FMNL2: variants seen among roughly 807,000 people sequenced by gnomAD.
The protein encoded by FMNL2 is formin like 2.
FMNL2 carries 51 observed loss-of-function variants against 130.2 expected under a neutral mutation model. The ratio of observed to expected loss-of-function variants is 0.39; its 90% CI spans 0.31 to 0.49. The LOEUF (loss-of-function observed/expected upper bound fraction) is 0.49. Ranked by LOEUF, FMNL2 falls within the 20% of genes least tolerant of loss-of-function variation. The pLI, the probability that FMNL2 is intolerant of heterozygous loss-of-function variation, is 0.85. For synonymous variants in FMNL2, 465 were observed against 467.1 expected, an observed-to-expected ratio of 1.00 and a Z score of 0.06; for missense variants, 977 against 1,316.2, an observed-to-expected ratio of 0.74 and a Z score of 3.99.
At chr2:152,617,973 G>A (rs1457502254) in intron 13 of FMNL2, among the ~76,000 whole-genome samples, 1 of 152,190 alleles carries the variant, frequency 6.6e-6, no homozygotes, top group Non-Finnish European at 1.5e-5. Context: ...AGACAGAGTT[G>A]TAGCATATGG....
At chr2:152,484,359 G>C (rs1010301719) in intron 1 of FMNL2, among the ~76,000 whole-genome samples, 1 of 152,204 alleles carries the variant, frequency 6.6e-6, no homozygotes, top group Non-Finnish European at 1.5e-5. Context: ...AGAGATATTG[G>C]GCCAAGTGCA....
intron 1 of FMNL2, among the ~76,000 whole-genome samples, chr2:152,493,790 T>G (rs1051161204): frequency 1.1e-4 from 16 of 152,188 alleles, no homozygotes; most frequent in African/African-American, 3.9e-4. Flanking sequence ...CAGAGAACCA[T>G]GAGCCAAATA....
At position 152,619,552 on chromosome 2, in the gene FMNL2, G is replaced by GCCCACC; in HGVS notation, c.1674_1675insACCCCC (p.Pro558_Pro559insThrPro). The GCCCACC allele has an allele frequency of 7.1e-7, 1 of 1,417,708 alleles. No individual in the cohort carries two copies. The highest frequency in any genetic ancestry group is 1.3e-5 in the South Asian group (1 of 79,026). The allele number at this position is 1,417,708 out of a possible 1,614,324, so 87.8% of individuals were successfully genotyped here. ...CACCACCTATGCCACCGCCGCCGCCGCCCCCTCCTCCACCTCCTCCTCCCC... is the reference window on the plus strand; with the variant it reads ...CACCACCTATGCCACCGCCGCCGCCGCCCACCCCCCCTCCTCCACCTCCTCCTCCCC... On this transcript the variant is annotated inframe_insertion, in exon 15 of 26. Transcript: ENST00000288670.
At chr2:152,426,983 C>A (rs894649877) in intron 1 of FMNL2, among the ~76,000 whole-genome samples, 1 of 152,206 alleles carries the variant, frequency 6.6e-6, no homozygotes, top group East Asian at 1.9e-4. Context: ...TTGGTCTCTA[C>A]CTCATGGCTC....
intron 6 of FMNL2, 141 bp downstream of exon 6, chr2:152,561,176 CT>C: frequency 1.1e-6 from 1 of 874,000 alleles, no homozygotes; most frequent in Non-Finnish European, 1.7e-6. Context: ...ATGAATGTTT[CT>C]TTAGGAGTTC....
intron 1 of FMNL2, among the ~76,000 whole-genome samples, chr2:152,343,326 C>G (rs1681918475): frequency 6.6e-6 from 1 of 152,166 alleles, no homozygotes; most frequent in African/African-American, 2.4e-5. Context: ...GATGGATTCT[C>G]CTTCTGTCAT....
chr2:152,594,422 C>T (rs11682487), intron 9 of FMNL2, among the ~76,000 whole-genome samples: 84,087 of 152,104 alleles, frequency 0.55, 24,608 homozygotes, highest in East Asian at 0.77. Flanking sequence ...AAAGAGATCA[C>T]TATGACTGCA....
chr2:152,519,784 A>G (rs75716586), intron 1 of FMNL2, among the ~76,000 whole-genome samples: 9,518 of 152,310 alleles, frequency 0.062, 455 homozygotes, highest in East Asian at 0.21. Context: ...AAAGTGTTGA[A>G]TGGAGTACTT....
At chr2:152,369,600 G>A (rs1009376407) in intron 1 of FMNL2, among the ~76,000 whole-genome samples, 1 of 152,194 alleles carries the variant, frequency 6.6e-6, no homozygotes, top group Admixed American at 6.5e-5. Flanking sequence ...CACTTACTGC[G>A]TGCCGATTGT....
At chr2:152,575,036 C>T in intron 6 of FMNL2, 100 bp from the exon 7 acceptor site, 1 of 630,598 alleles carries the variant, frequency 1.6e-6, no homozygotes, top group Non-Finnish European at 2.7e-6. Flanking sequence ...ACCTACAATC[C>T]TTGTTTTGGT....
At chr2:152,369,625 C>A (rs1683760151) in intron 1 of FMNL2, among the ~76,000 whole-genome samples, 1 of 152,232 alleles carries the variant, frequency 6.6e-6, no homozygotes, top group South Asian at 2.1e-4. Context: ...GCCACTGACA[C>A]ATGCAACTTA....
intron 1 of FMNL2, among the ~76,000 whole-genome samples, chr2:152,360,427 C>T (rs991346812): frequency 1.3e-4 from 20 of 151,992 alleles, no homozygotes; most frequent in Non-Finnish European, 2.2e-4. Context: ...TACCTCCTGG[C>T]TTATGTGGTC....
In FMNL2 at chr2:152,503,380, GCCAGGGTGATCAGATA is replaced by G. The variant is rs1240136215; in HGVS notation, c.118-18559_118-18544del. ...ATTATAGGATTCTTGTTGAAGGCAG[GCCAGGGTGATCAGATA>G]CCATCTGGGGAATGGGAGAGGATGA... On this transcript the variant is annotated intron_variant, in intron 1 of 25. Coordinates refer to ENST00000288670, the MANE Select transcript of FMNL2 (RefSeq NM_052905.4). Among the ~76,000 whole-genome samples the G allele has an allele frequency of 1.8e-4, 28 of 152,200 alleles. 1 individual carries two copies. The highest frequency in any genetic ancestry group is 4.4e-5 in the Non-Finnish European group (3 of 68,026).
intron 9 of FMNL2, among the ~76,000 whole-genome samples, chr2:152,581,727 C>T: frequency 6.6e-6 from 1 of 152,188 alleles, no homozygotes; most frequent in East Asian, 1.9e-4. Flanking sequence ...AGAAGAGTAC[C>T]TGTTTGTTCC....
chr2:152,475,032 G>A (rs12614608), intron 1 of FMNL2, among the ~76,000 whole-genome samples: 47,689 of 152,108 alleles, frequency 0.31, 7,797 homozygotes, highest in East Asian at 0.58. Flanking sequence ...AAGTCATTTC[G>A]TCTTCCAAAA....
intron 6 of FMNL2, among the ~76,000 whole-genome samples, chr2:152,571,922 G>A (rs1259611125): frequency 4.0e-5 from 6 of 151,430 alleles, no homozygotes; most frequent in Non-Finnish European, 5.9e-5. Flanking sequence ...TAAGTGAATC[G>A]GTGTGACATT....
chr2:152,460,222 T>C (rs899387279), intron 1 of FMNL2, among the ~76,000 whole-genome samples: 1 of 152,172 alleles, frequency 6.6e-6, no homozygotes, highest in Non-Finnish European at 1.5e-5. Flanking sequence ...ATGGGACCAA[T>C]AGGGACAAAG....
intron 1 of FMNL2, among the ~76,000 whole-genome samples, chr2:152,368,953 A>C (rs1459495731): frequency 6.6e-6 from 1 of 152,192 alleles, no homozygotes; most frequent in Non-Finnish European, 1.5e-5. Flanking sequence ...TTAAGGCATC[A>C]GGGTTATATC....
At chr2:152,494,203 G>A (rs1406759437) in intron 1 of FMNL2, among the ~76,000 whole-genome samples, 1 of 152,200 alleles carries the variant, frequency 6.6e-6, no homozygotes, top group Non-Finnish European at 1.5e-5. Context: ...CTATCTTCAG[G>A]AAGCTGTGAG....
Sources: allele counts gnomAD v4.1 joint callset (sites outside exome capture counted in the v4.1 genomes callset), GRCh38; gene constraint gnomAD v4.1.1; transcripts MANE v1.5; gene names NCBI Gene and HGNC (gene_info 2026-07-23, HGNC 2026-07-21).